FBXL5: variants seen among roughly 807,000 people sequenced by gnomAD.
The protein encoded by FBXL5 is F-box and leucine rich repeat protein 5, also known as F-box/LRR-repeat protein 5.
FBXL5 carries 26 observed loss-of-function variants against 78.3 expected under a neutral mutation model. The ratio of observed to expected loss-of-function variants is 0.33; its 90% CI spans 0.24 to 0.46. The LOEUF is 0.46. Ranked by LOEUF, FBXL5 falls within the 20% of genes least tolerant of loss-of-function variation. The probability of loss-of-function intolerance (pLI) is 1.00; values close to 1 mark genes in which losing one functional copy is unlikely to be tolerated. For missense variants in FBXL5, 710 were observed against 829.2 expected, an observed-to-expected ratio of 0.86 and a Z score of 1.77; for synonymous variants, 295 against 282.5, an observed-to-expected ratio of 1.04 and a Z score of -0.45.
intron 9 of FBXL5, among the ~76,000 whole-genome samples, chr4:15,614,183 G>A (rs928821034): frequency 1.2e-4 from 18 of 152,216 alleles, no homozygotes; most frequent in African/African-American, 4.3e-4. Context: ...CTTCCTGAGA[G>A]CCAAACTGCT....
upstream of FBXL5, among the ~76,000 whole-genome samples, chr4:15,659,229 A>G (rs1717186414): frequency 1.3e-5 from 2 of 152,260 alleles, no homozygotes; most frequent in Admixed American, 6.5e-5. Flanking sequence ...GTAGGCATAC[A>G]TAGTAGGCAT....
chr4:15,626,884 A>G lies in FBXL5; in HGVS notation c.1113T>C (p.Ser371=), dbSNP rs1425661430. 1 of 1,608,910 alleles carries G rather than the reference A, an allele frequency of 6.2e-7. No individual in the cohort carries two copies. Among genetic ancestry groups the G allele is most frequent in the East Asian group, 2.2e-5 (1 of 44,802 alleles). The change falls in exon 8 of 11, where the codon TCT becomes TCC. Residue 371 remains serine (S), a synonymous_variant. Transcript: ENST00000341285. ...LDLTQTDISD[S]AFDSWSWLGC... Reference sequence around the variant, plus strand: ...TTAAAATAACTAACCTGTCAAATGCAGAATCTGAAATGTCAGTCTGGGTAA... The same window carrying G: ...TTAAAATAACTAACCTGTCAAATGCGGAATCTGAAATGTCAGTCTGGGTAA...
intron 6 of FBXL5, among the ~76,000 whole-genome samples, 153 bp from the exon 7 acceptor site, chr4:15,628,186 G>A (rs1048021757): frequency 2.6e-5 from 4 of 151,650 alleles, no homozygotes; most frequent in Non-Finnish European, 4.4e-5. Flanking sequence ...AAAAGGTTTT[G>A]GAAAAAAATG....
At chr4:15,679,320 G>C (rs1476252241) in intron 1 of FBXL5, among the ~76,000 whole-genome samples, 2 of 151,940 alleles carry the variant, frequency 1.3e-5, no homozygotes, top group Non-Finnish European at 2.9e-5. Flanking sequence ...TCAAAGTGCT[G>C]GGATTACAGG....
intron 8 of FBXL5, among the ~76,000 whole-genome samples, chr4:15,626,644 C>T (rs1713095184): frequency 6.6e-6 from 1 of 152,054 alleles, no homozygotes; most frequent in South Asian, 2.1e-4. Context: ...GGCTCAAGGG[C>T]CTAGACAAAA....
intron 4 of FBXL5, among the ~76,000 whole-genome samples, chr4:15,638,037 A>G (rs1329251083): frequency 6.6e-6 from 1 of 152,166 alleles, no homozygotes; most frequent in Non-Finnish European, 1.5e-5. Context: ...AATAATACAT[A>G]GGAAAGGATG....
chr4:15,637,504 C>G (rs1363513608), intron 4 of FBXL5, among the ~76,000 whole-genome samples: 1 of 152,124 alleles, frequency 6.6e-6, no homozygotes, highest in Non-Finnish European at 1.5e-5. Flanking sequence ...ATGCTATGAT[C>G]ACATTCTTTA....
At chr4:15,613,860 T>C (rs1213925400) in intron 9 of FBXL5, among the ~76,000 whole-genome samples, 11 of 151,366 alleles carry the variant, frequency 7.3e-5, no homozygotes, top group Admixed American at 7.3e-4. Context: ...TTTTTTTATT[T>C]CTTTAAGTTT....
chr4:15,629,336 G>A (rs2148590932), intron 6 of FBXL5, among the ~76,000 whole-genome samples: 1 of 152,222 alleles, frequency 6.6e-6, no homozygotes, highest in East Asian at 1.9e-4. Context: ...TTTCTAGAAT[G>A]AATAAACTGA....
At chr4:15,651,915 G>A (rs2148712941) in intron 1 of FBXL5, among the ~76,000 whole-genome samples, 1 of 152,246 alleles carries the variant, frequency 6.6e-6, no homozygotes, top group East Asian at 1.9e-4. Context: ...GACCACTCCT[G>A]ACACTTTAAT....
chr4:15,620,592 C>A (rs1712376625), intron 9 of FBXL5, among the ~76,000 whole-genome samples: 1 of 152,218 alleles, frequency 6.6e-6, no homozygotes, highest in African/African-American at 2.4e-5. Context: ...GCTGGAAATT[C>A]TAGTCAGAAT....
chr4:15,626,739 G>A lies in FBXL5; in HGVS notation c.1124+134C>T, dbSNP rs189482534. 4.8e-3 allele frequency: 3,123 copies of A among 652,134 alleles called. 67 individuals carry two copies. The highest frequency in any genetic ancestry group is 0.042 in the Admixed American group (1,470 of 34,806). The allele number at this position is 652,134 out of a possible 1,614,324, so 40.4% of individuals were successfully genotyped here. On this transcript the variant is annotated intron_variant, in intron 8 of 10. Transcript: ENST00000341285. ...ATGAGTAAGAAGTGAAGAACTGGAG[G>A]GTGCTATCAAATTATACTCAGACAT...
At chr4:15,670,313 T>C (rs1717707886) in intron 1 of FBXL5, among the ~76,000 whole-genome samples, 1 of 152,250 alleles carries the variant, frequency 6.6e-6, no homozygotes, top group African/African-American at 2.4e-5. Context: ...GTATGATAGA[T>C]ACGTTTAACT....
intron 1 of FBXL5, among the ~76,000 whole-genome samples, chr4:15,674,794 C>G (rs777284783): frequency 1.2e-4 from 18 of 152,012 alleles, no homozygotes; most frequent in Non-Finnish European, 1.6e-4. Flanking sequence ...GGACTACAGG[C>G]GCATGCCACC....
At chr4:15,615,216 T>C (rs1711674960) in intron 9 of FBXL5, among the ~76,000 whole-genome samples, 1 of 152,122 alleles carries the variant, frequency 6.6e-6, no homozygotes, top group African/African-American at 2.4e-5. Flanking sequence ...TGGGCTCCTG[T>C]GCCGCCCCAG....
Position 15,604,907 on chromosome 4 carries a change from A to G in FBXL5, c.*816T>C, listed in dbSNP as rs1216923454. 2 of 152,258 alleles carry G rather than the reference A, an allele frequency of 1.3e-5. No individual in the cohort carries two copies. The highest frequency in any genetic ancestry group is 6.5e-5 in the Admixed American group (1 of 15,286). 9.4% of individuals were successfully genotyped at this position (152,258 alleles called of 1,614,324 possible). A position where few individuals can be genotyped will look rare whatever the true frequency, so the allele number is the denominator to read the frequency against. On this transcript the variant is annotated 3_prime_UTR_variant, in exon 11 of 11. Coordinates refer to ENST00000341285, the MANE Select transcript of FBXL5 (RefSeq NM_012161.4). Reference sequence around the variant, plus strand: ...CTGTCTAAAACTATTTGTCAGGGTAATAAGTTCATGGGAGGTCCAAAGACA... The same window carrying G: ...CTGTCTAAAACTATTTGTCAGGGTAGTAAGTTCATGGGAGGTCCAAAGACA...
intron 1 of FBXL5, among the ~76,000 whole-genome samples, chr4:15,653,359 C>T (rs1716370063): frequency 6.6e-6 from 1 of 152,170 alleles, no homozygotes; most frequent in South Asian, 2.1e-4. Flanking sequence ...CAAATACTCT[C>T]AACCACCAGG....
At chr4:15,640,449 AT>A (rs1714741972) in intron 3 of FBXL5, among the ~76,000 whole-genome samples, 1 of 151,952 alleles carries the variant, frequency 6.6e-6, no homozygotes, top group Non-Finnish European at 1.5e-5. Context: ...AAACAAAAAA[AT>A]ATTTAAAAGT....
intron 1 of FBXL5, among the ~76,000 whole-genome samples, chr4:15,667,282 C>A (rs769952833): frequency 1.3e-5 from 2 of 152,104 alleles, no homozygotes; most frequent in East Asian, 1.9e-4. Context: ...AGTACCTAGT[C>A]CAATGCTTGG....
Sources: gnomAD v4.1 joint callset for allele counts (sites outside exome capture counted in the v4.1 genomes callset) on GRCh38, gnomAD v4.1.1 for gene constraint, MANE v1.5 for transcripts, NCBI Gene and HGNC (gene_info 2026-07-23, HGNC 2026-07-21) for gene names.